The following ISLR2 variants were observed in gnomAD, a reference collection of about 807,000 sequenced individuals.
ISLR2 encodes immunoglobulin superfamily containing leucine-rich repeat protein 2.
A neutral mutation model predicts 25.5 loss-of-function variants in ISLR2; 16 were observed. That is an observed-to-expected ratio of 0.63 (90% CI 0.43 to 0.95). The LOEUF is 0.95. Among genes scored for constraint, ISLR2 ranks in the 40% least tolerant of loss-of-function variants. The pLI is 0.00. For synonymous variants in ISLR2, 508 were observed against 486.6 expected, an observed-to-expected ratio of 1.04 and a Z score of -0.58; for missense variants, 883 against 1,030.7, an observed-to-expected ratio of 0.86 and a Z score of 1.96.
chr15:74,118,563 T>G (rs1225566633), intron 2 of ISLR2, among the ~76,000 whole-genome samples: 1 of 152,096 alleles, frequency 6.6e-6, no homozygotes, highest in East Asian at 1.9e-4. Context: ...AGGCATTTGA[T>G]AGATTGGTTG....
chr15:74,115,565 C>T (rs1595938448), intron 2 of ISLR2, among the ~76,000 whole-genome samples: 1 of 151,778 alleles, frequency 6.6e-6, no homozygotes, highest in Non-Finnish European at 1.5e-5. Context: ...CATGGTGGTA[C>T]GCAACTGTAG....
intron 2 of ISLR2, among the ~76,000 whole-genome samples, chr15:74,108,869 C>A (rs985867175): frequency 7.9e-5 from 12 of 152,088 alleles, no homozygotes; most frequent in Non-Finnish European, 1.5e-4. Flanking sequence ...TGGAGGCCAC[C>A]ACAGGGTGAG....
chr15:74,116,957 A>G lies in ISLR2; in HGVS notation n.228+13043A>G, dbSNP rs573277304. On this transcript the variant is annotated intron_variant and non_coding_transcript_variant, in intron 2 of 3. Transcript: ENST00000561975. ...TTAGCTTCTAAGCATACTCATATCA[A>G]TTGCATATTTAGGGACAGAGAAATG... is the stretch of plus-strand genomic sequence containing the variant. 2.0e-5 allele frequency among the ~76,000 whole-genome samples: 3 copies of G among 152,308 alleles called. No individual in the cohort carries two copies. In the East Asian group the frequency reaches 5.8e-4, roughly 29 times the overall value.
chr15:74,132,754 G>A lies in ISLR2; in HGVS notation c.-1G>A, dbSNP rs776648349. The A allele has an allele frequency of 1.9e-6, 3 of 1,604,824 alleles. No individual in the cohort carries two copies. The highest frequency in any genetic ancestry group is 2.2e-5 in the South Asian group (2 of 90,952). ...CCTGGCTTCCATCTGCAGGAGCCGC[G>A]ATGTTCCCCCTTCGGGCCCTGTGGT... On this transcript the variant is annotated 5_prime_UTR_variant, in exon 3 of 3. Transcript: ENST00000453268. The surrounding 1 kb of genome is among the most constrained non-coding windows in gnomAD (Gnocchi z 4.3).
chr15:74,110,201 C>A (rs533985918), intron 2 of ISLR2, among the ~76,000 whole-genome samples: 1 of 152,208 alleles, frequency 6.6e-6, no homozygotes, highest in Non-Finnish European at 1.5e-5. Context: ...CAGCTCAAAT[C>A]AAACATAGTG....
At chr15:74,137,952 T>A (rs1034680771), downstream of ISLR2, among the ~76,000 whole-genome samples, 10 of 152,160 alleles carry the variant, frequency 6.6e-5, no homozygotes, top group African/African-American at 2.2e-4. Flanking sequence ...TCTTTTTTTT[T>A]TATTTTTTTA....
chr15:74,115,971 A>C (rs2072207349), intron 2 of ISLR2, among the ~76,000 whole-genome samples: 1 of 151,590 alleles, frequency 6.6e-6, no homozygotes, highest in African/African-American at 2.4e-5. Flanking sequence ...GCTGAGACAC[A>C]AGGATTGCTT....
At chr15:74,139,672 A>G (rs145479203), downstream of ISLR2, among the ~76,000 whole-genome samples, 67 of 152,274 alleles carry the variant, frequency 4.4e-4, no homozygotes, top group African/African-American at 1.6e-3. Context: ...CTCTGGGAGA[A>G]CCTACCAGGT....
At chr15:74,128,750 C>G (rs1026029094), upstream of ISLR2, 2 of 439,512 alleles carry the variant, frequency 4.6e-6, no homozygotes, top group African/African-American at 2.1e-5. Context: ...GGACCGGACT[C>G]AGCTCCCGCT....
rs1453683182 is a variant in ISLR2, at chr15:74,131,291, A to T, written c.-34A>T. The T allele has an allele frequency of 1.3e-5, 2 of 152,776 alleles. No individual in the cohort carries two copies. Among genetic ancestry groups the T allele is most frequent in the Non-Finnish European group, 2.9e-5 (2 of 68,162 alleles). The allele number at this position is 152,776 out of a possible 1,614,324, so 9.5% of individuals were successfully genotyped here. On this transcript the variant is annotated 5_prime_UTR_variant, in exon 2 of 3. Transcript: ENST00000453268. ...GGAGAAGGGGTTTCAGCCCCAGGAC[A>T]TTTACTGAGAGTCGGCGAATATTGG...
downstream of ISLR2, among the ~76,000 whole-genome samples, chr15:74,138,041 G>T (rs1236712802): frequency 1.3e-5 from 2 of 151,954 alleles, no homozygotes; most frequent in Admixed American, 1.3e-4. Context: ...TCTTCTTGGT[G>T]AATTCACATA....
At chr15:74,123,152 G>T (rs1207689996), upstream of ISLR2, among the ~76,000 whole-genome samples, 1 of 152,156 alleles carries the variant, frequency 6.6e-6, no homozygotes, top group Admixed American at 6.5e-5. Context: ...GAAGCAGGAA[G>T]ACTCCCTCTG....
In ISLR2 at chr15:74,134,425, C is replaced by T. The variant is rs1217833520; in HGVS notation, c.1671C>T (p.Gly557=). 1.2e-6 allele frequency: 2 copies of T among 1,609,452 alleles called. No individual in the cohort carries two copies. Among genetic ancestry groups the T allele is most frequent in the East Asian group, 4.5e-5 (2 of 44,820 alleles). ...GCGTCAACGCCTACTGGTTCCGCGG[C>T]CTGCGGCCGGGTACCAACTACTCCG... ...EEGVNAYWFR[G]LRPGTNYSVC... The change falls in exon 3 of 3, where the codon GGC becomes GGT. Residue 557 remains glycine (G), a synonymous_variant. Transcript: ENST00000453268.
chr15:74,108,409 C>T (rs1188683916), intron 2 of ISLR2, among the ~76,000 whole-genome samples: 2 of 152,128 alleles, frequency 1.3e-5, no homozygotes, highest in Non-Finnish European at 2.9e-5. Flanking sequence ...GCTGGGGGCA[C>T]CAGGATACCC....
At chr15:74,103,284 A>G (rs1412496552) in intron 1 of ISLR2, among the ~76,000 whole-genome samples, 3 of 150,378 alleles carry the variant, frequency 2.0e-5, no homozygotes, top group African/African-American at 7.5e-5. Context: ...TATTTGTATG[A>G]AAGTCAAGCT....
downstream of ISLR2, among the ~76,000 whole-genome samples, chr15:74,138,020 C>T (rs993439804): frequency 2.6e-5 from 4 of 152,012 alleles, no homozygotes; most frequent in Admixed American, 2.0e-4. Flanking sequence ...TAAACACAAG[C>T]GTTCTGTACA....
intron 1 of ISLR2, among the ~76,000 whole-genome samples, chr15:74,130,903 G>A (rs1238962247): frequency 6.6e-6 from 1 of 152,068 alleles, no homozygotes; most frequent in African/African-American, 2.4e-5. Context: ...GTGGGTTATG[G>A]GGGTGCAGTA....
At chr15:74,123,174 G>C (rs1375022637), upstream of ISLR2, among the ~76,000 whole-genome samples, 1 of 152,176 alleles carries the variant, frequency 6.6e-6, no homozygotes, top group Non-Finnish European at 1.5e-5. Flanking sequence ...CCACAGAGCA[G>C]TGCACAGCAG....
At chr15:74,128,191 G>A (rs1192875969), upstream of ISLR2, 3 of 316,686 alleles carry the variant, frequency 9.5e-6, no homozygotes, top group South Asian at 5.2e-5. Flanking sequence ...AGCTGAGCTC[G>A]GAGGCAGATC....
Sources: allele counts gnomAD v4.1 joint callset (sites outside exome capture counted in the v4.1 genomes callset), GRCh38; gene constraint gnomAD v4.1.1; non-coding constraint Gnocchi (gnomAD v3.1); transcripts MANE v1.5; gene names NCBI Gene and HGNC (gene_info 2026-07-23, HGNC 2026-07-21).